The following AATK variants were observed in gnomAD, a reference collection of about 807,000 sequenced individuals.
AATK encodes lemur tail kinase 1, also known as serine/threonine-protein kinase LMTK1.
In AATK, 91 loss-of-function variants were observed where a neutral mutation model predicts 114.3. That is an observed-to-expected ratio of 0.80 (90% CI 0.67 to 0.95). The LOEUF is 0.95. Ranked by LOEUF, AATK falls within the 40% of genes least tolerant of loss-of-function variation. The probability of loss-of-function intolerance (pLI) is 0.00; values close to 1 mark genes in which losing one functional copy is unlikely to be tolerated. For synonymous variants in AATK, 1,075 were observed against 916.5 expected (o/e 1.17, Z -3.12); for missense variants, 2,176 against 1,965.2 (o/e 1.11, Z -2.03).
rs1191911491 is a variant in AATK, at chr17:81,140,845, A to G, written c.56-6344T>C. Among the ~76,000 whole-genome samples, 3 of 39,542 alleles carry G rather than the reference A, an allele frequency of 7.6e-5. 1 individual carries two copies. Among genetic ancestry groups the G allele is most frequent in the Admixed American group, 2.7e-4 (1 of 3,702 alleles). The allele number at this position is 39,542 out of a possible 152,430, so 25.9% of individuals were successfully genotyped here. ...GGGGCCGGGAGACCGTGGGGCCGTGAGCCGTGGGGCTGTGGGGCCGTGAGC... is the reference window on the plus strand; with the variant it reads ...GGGGCCGGGAGACCGTGGGGCCGTGGGCCGTGGGGCTGTGGGGCCGTGAGC... On this transcript the variant is annotated intron_variant, in intron 1 of 13. Transcript: ENST00000326724.
At chr17:81,130,710 C>T (rs949871607) in intron 3 of AATK, among the ~76,000 whole-genome samples, 3 of 152,070 alleles carry the variant, frequency 2.0e-5, no homozygotes, top group Admixed American at 6.5e-5. Flanking sequence ...CCAGAGAGCC[C>T]GCACCCCTGC....
intron 1 of AATK, chr17:81,136,341 C>T (rs1174874554): frequency 1.3e-5 from 2 of 152,412 alleles, no homozygotes; most frequent in East Asian, 3.9e-4. Context: ...GGACAGGCCA[C>T]CTGCTGGGCA....
chr17:81,138,272 C>T (rs1318411135), intron 1 of AATK, among the ~76,000 whole-genome samples: 3 of 148,832 alleles, frequency 2.0e-5, no homozygotes, highest in Non-Finnish European at 4.5e-5. Context: ...TACCCACATG[C>T]ACGTGCACAC....
rs1193360830 is a variant in AATK at position 81,120,406 on chromosome 17, C to T, written c.3530G>A (p.Cys1177Tyr). 5.6e-6 allele frequency: 9 copies of T among 1,596,990 alleles called. 1 individual carries two copies. In the South Asian group the frequency reaches 1.0e-4, roughly 18 times the overall value. ...CTCGCTAGGCTCCTGGACGCTGTAG[C>T]AGCGGAGCTCCTCGTCAGACTCGTC... The part of the protein sequence containing the change: ...DSDESDEELR[C>Y]YSVQEPSEDS... The change falls in exon 11 of 14, where the codon TGC becomes TAC. Residue 1177 changes from cysteine to tyrosine, a missense_variant. Physicochemically the swap from Cys to Tyr is radical, Grantham distance 194. Transcript: ENST00000326724.
At chr17:81,138,148 C>T (rs560778169) in intron 1 of AATK, among the ~76,000 whole-genome samples, 194 of 151,238 alleles carry the variant, frequency 1.3e-3, no homozygotes, top group African/African-American at 3.1e-3. Flanking sequence ...CACACATACG[C>T]GCACGCCCAC....
chr17:81,155,682 C>A (rs978584914), intron 1 of AATK, among the ~76,000 whole-genome samples: 59 of 149,374 alleles, frequency 3.9e-4, no homozygotes, highest in African/African-American at 1.4e-3. Flanking sequence ...GCGCGCCCGA[C>A]CTATAATATT....
At chr17:81,159,041 C>A (rs901559716) in intron 1 of AATK, among the ~76,000 whole-genome samples, 1 of 152,182 alleles carries the variant, frequency 6.6e-6, no homozygotes, top group Admixed American at 6.5e-5. Flanking sequence ...CGAGACAGAT[C>A]GGTGGCTGCC....
intron 1 of AATK, among the ~76,000 whole-genome samples, chr17:81,141,859 T>C (rs72855544): frequency 0.01 from 1,536 of 152,352 alleles, 12 homozygotes; most frequent in Non-Finnish European, 0.015. Context: ...TAGAGGCCTC[T>C]AGTGCCAGCA....
chr17:81,121,516 G>T lies in AATK; in HGVS notation c.2420C>A (p.Ala807Asp). 1.9e-6 allele frequency: 3 copies of T among 1,546,922 alleles called. No individual in the cohort carries two copies. Among genetic ancestry groups the T allele is most frequent in the Admixed American group, 1.9e-5 (1 of 53,800 alleles). Residue 807 changes from alanine to aspartate, a missense_variant, in exon 11 of 14, where the codon GCC (alanine) becomes GAC (aspartate). Physicochemically the swap from Ala to Asp is moderately radical, Grantham distance 126. This residue lies in a region of AATK where 1,701 missense variants were observed against 1,394.7 expected (regional missense o/e 1.22). Transcript: ENST00000326724. ...ACTGGCCTCCTCCGAGGGAAGTGGG[G>T]CTCCCTCCTGGGATGGGGAGGGGAC... is the stretch of plus-strand genomic sequence containing the variant. ...PSVPSPSQEG[A>D]PLPSEEASAP...
At chr17:81,119,882 C>A (rs560905178) in intron 12 of AATK, 54 bp downstream of exon 12, 68 of 1,398,172 alleles carry the variant, frequency 4.9e-5, no homozygotes, top group Non-Finnish European at 6.0e-5. Flanking sequence ...CCACACAGCA[C>A]GGACCAGGCC....
chr17:81,122,375 C>G lies in AATK; in HGVS notation c.1561G>C (p.Ala521Pro), dbSNP rs1006363050. 1 of 1,497,048 alleles carries G rather than the reference C, an allele frequency of 6.7e-7. No individual in the cohort carries two copies. The allele number at this position is 1,497,048 out of a possible 1,614,324, so 92.7% of individuals were successfully genotyped here. ...APPGVVPVLS[A>P]HSPSLGSEYF... ...TCGCTGCCCAGCGACGGGCTGTGCG[C>G]GCTGAGCACCGGAACCACGCCCGGG... The change falls in exon 11 of 14, where the codon GCG becomes CCG. Residue 521 changes from alanine (A) to proline (P), a missense_variant. Physicochemically the swap from Ala to Pro is conservative, Grantham distance 27. Transcript: ENST00000326724.
chr17:81,162,494 C>A (rs2061438498), intron 1 of AATK, among the ~76,000 whole-genome samples: 8 of 152,182 alleles, frequency 5.3e-5, no homozygotes, highest in Admixed American at 5.2e-4. Context: ...CTGTGGGGCA[C>A]CTTCCAAGGG....
chr17:81,119,489 A>G lies in AATK; in HGVS notation c.3975T>C (p.Ala1325=), dbSNP rs1306943061. The G allele has an allele frequency of 6.7e-7, 1 of 1,488,074 alleles. No homozygotes were observed. Among genetic ancestry groups the G allele is most frequent in the South Asian group, 1.3e-5 (1 of 75,762 alleles). 92.2% of individuals were successfully genotyped at this position (1,488,074 alleles called of 1,614,324 possible). A position where few individuals can be genotyped will look rare whatever the true frequency, so the allele number is the denominator to read the frequency against. The part of the protein sequence containing the change: ...MALDPAAPAP[A]APTPTPAPFS... ...AGGGAGCGGGCGTGGGCGTGGGCGC[A>G]GCCGGGGCGGGTGCGGCCGGGTCTA... The change falls in exon 13 of 14, where the codon GCT becomes GCC. Residue 1325 remains alanine, a synonymous_variant. Coordinates refer to ENST00000326724, the MANE Select transcript of AATK (RefSeq NM_001080395.3).
In AATK at chr17:81,130,554, C is replaced by T. The variant is rs572653352; in HGVS notation, c.334+507G>A. Among the ~76,000 whole-genome samples the T allele has an allele frequency of 1.6e-3, 251 of 152,282 alleles. 2 individuals carry two copies. The highest frequency in any genetic ancestry group is 5.4e-3 in the African/African-American group (223 of 41,558). Reference sequence around the variant, plus strand: ...AAGGCTAATTCACCACCCGCCCACACGGGCCCCACCAGCGCCCCTCCTCCT... The same window carrying T: ...AAGGCTAATTCACCACCCGCCCACATGGGCCCCACCAGCGCCCCTCCTCCT... On this transcript the variant is annotated intron_variant, in intron 3 of 13. Transcript: ENST00000326724.
intron 2 of AATK, 91 bp downstream of exon 2, chr17:81,134,277 C>T: frequency 1.3e-6 from 2 of 1,529,278 alleles, no homozygotes; most frequent in Non-Finnish European, 1.8e-6. Flanking sequence ...ACCTTGATGG[C>T]CCCAGGAAGG....
At chr17:81,156,562 T>A (rs2061369971) in intron 1 of AATK, among the ~76,000 whole-genome samples, 1 of 152,122 alleles carries the variant, frequency 6.6e-6, no homozygotes, top group Non-Finnish European at 1.5e-5. Flanking sequence ...CACACCCGCC[T>A]AATTTTTTGT....
chr17:81,135,702 C>G (rs1349327756), intron 1 of AATK: 2 of 152,300 alleles, frequency 1.3e-5, no homozygotes, highest in Non-Finnish European at 2.9e-5. Context: ...GGGAAGGCTG[C>G]CTGGAGGTGG....
At chr17:81,155,688 A>G (rs997522752) in intron 1 of AATK, among the ~76,000 whole-genome samples, 2 of 145,498 alleles carry the variant, frequency 1.4e-5, no homozygotes, top group African/African-American at 5.3e-5. Flanking sequence ...CCGACCTATA[A>G]TATTTCTTTT....
At chr17:81,119,230 G>A in intron 13 of AATK, 150 bp downstream of exon 13, 1 of 201,088 alleles carries the variant, frequency 5.0e-6, no homozygotes, top group South Asian at 7.4e-5. Context: ...GGCTAGGTCT[G>A]GGGCCGGGAA....
Sources: allele counts gnomAD v4.1 joint callset (sites outside exome capture counted in the v4.1 genomes callset), GRCh38; gene constraint gnomAD v4.1.1; regional missense constraint gnomAD v4.1.1; transcripts MANE v1.5; gene names NCBI Gene and HGNC (gene_info 2026-07-23, HGNC 2026-07-21).